Variants in ADGRL3 observed in about 807,000 individuals in gnomAD.
ADGRL3 encodes the protein calcium-independent alpha-latrotoxin receptor 3.
Under a neutral mutation model 153.5 loss-of-function variants are expected in ADGRL3, and 62 were observed. The ratio of observed to expected loss-of-function variants is 0.40; its 90% CI spans 0.33 to 0.50. The LOEUF (loss-of-function observed/expected upper bound fraction) is 0.50, where lower values mean the gene tolerates loss of function less well. ADGRL3 is among the 20% of genes least tolerant of loss of function. The pLI is 0.47. For synonymous variants in ADGRL3, 710 were observed against 672.5 expected (o/e 1.06, Z -0.86); for missense variants, 1,641 against 1,859.4 (o/e 0.88, Z 2.16).
intron 2 of ADGRL3, among the ~76,000 whole-genome samples, chr4:61,419,199 A>T (rs1006859803): frequency 6.6e-6 from 1 of 150,818 alleles, no homozygotes; most frequent in South Asian, 2.1e-4. Flanking sequence ...AATGAAACCA[A>T]TTTTACTATA....
intron 25 of ADGRL3, among the ~76,000 whole-genome samples, chr4:62,064,652 CTG>C (rs1741989801): frequency 6.6e-6 from 1 of 151,028 alleles, no homozygotes; most frequent in African/African-American, 2.4e-5. Flanking sequence ...CTACTATCCT[CTG>C]TGGAAATCTT....
chr4:61,981,970 GCAAT>G (rs1469768983), intron 18 of ADGRL3, among the ~76,000 whole-genome samples: 6 of 152,016 alleles, frequency 3.9e-5, no homozygotes, highest in African/African-American at 1.2e-4. Flanking sequence ...CTATGAATAA[GCAAT>G]CAAAGTACAC....
intron 21 of ADGRL3, among the ~76,000 whole-genome samples, chr4:62,012,286 C>A (rs1012346389): frequency 1.3e-5 from 2 of 152,168 alleles, no homozygotes; most frequent in African/African-American, 4.8e-5. Flanking sequence ...GCCCTCATAT[C>A]AACTGTAATC....
chr4:61,664,529 T>A (rs920178760), intron 5 of ADGRL3, among the ~76,000 whole-genome samples: 9 of 152,182 alleles, frequency 5.9e-5, no homozygotes, highest in Non-Finnish European at 8.8e-5. Flanking sequence ...TACTTTTTTT[T>A]AATTTTTTCA....
In ADGRL3 at chr4:61,346,405, A is replaced by G. The variant is rs148277744; in HGVS notation, c.-239-36719A>G. 2.5e-3 allele frequency among the ~76,000 whole-genome samples: 382 copies of G among 151,834 alleles called. 2 individuals carry two copies. The highest frequency in any genetic ancestry group is 8.6e-3 in the African/African-American group (358 of 41,396). On this transcript the variant is annotated intron_variant, in intron 1 of 26. Transcript: ENST00000683033. Reference sequence around the variant, plus strand: ...AATTAAAGTCGTTTTAACATTGGGCATCACTTTAGAAGTTTGAGATTTCAG... The same window carrying G: ...AATTAAAGTCGTTTTAACATTGGGCGTCACTTTAGAAGTTTGAGATTTCAG...
chr4:61,870,272 G>A (rs2098436148), intron 9 of ADGRL3, among the ~76,000 whole-genome samples: 2 of 151,962 alleles, frequency 1.3e-5, no homozygotes, highest in South Asian at 2.1e-4. Flanking sequence ...CCAGTGAATG[G>A]GGTTGGACCT....
intron 25 of ADGRL3, among the ~76,000 whole-genome samples, chr4:62,044,976 T>G (rs1186236150): frequency 1.3e-5 from 2 of 152,084 alleles, no homozygotes; most frequent in African/African-American, 4.8e-5. Flanking sequence ...GCAACCTGTG[T>G]ACTTGGAAAA....
At chr4:61,889,090 A>G (rs1299401201) in intron 9 of ADGRL3, among the ~76,000 whole-genome samples, 1 of 152,128 alleles carries the variant, frequency 6.6e-6, no homozygotes, top group East Asian at 1.9e-4. Context: ...CCTAGTCCTG[A>G]TGTTCACCTA....
intron 1 of ADGRL3, among the ~76,000 whole-genome samples, chr4:61,336,104 T>C (rs1385511797): frequency 1.3e-5 from 2 of 152,182 alleles, no homozygotes; most frequent in African/African-American, 4.8e-5. Context: ...TACATGTACT[T>C]ATTTATTGTG....
At chr4:61,341,137 T>C (rs1389444770) in intron 1 of ADGRL3, among the ~76,000 whole-genome samples, 1 of 152,008 alleles carries the variant, frequency 6.6e-6, no homozygotes, top group Non-Finnish European at 1.5e-5. Flanking sequence ...ATTTTTCTTC[T>C]TTTGCTCAGA....
At position 62,002,312 on chromosome 4, in the gene ADGRL3, C is replaced by T. The variant is rs138739816; in HGVS notation, c.3395+4047C>T. ...TTTTATGCATTTTGGCCCTCTGGCC[C>T]TTCTAGATATGCTCTCTTTTGCCTC... On this transcript the variant is annotated intron_variant, in intron 21 of 26. Coordinates refer to ENST00000683033, the MANE Select transcript of ADGRL3 (RefSeq NM_001387552.1). 2.3e-3 allele frequency among the ~76,000 whole-genome samples: 342 copies of T among 149,510 alleles called. 5 individuals carry two copies. The highest frequency in any genetic ancestry group is 3.6e-3 in the Non-Finnish European group (244 of 67,564).
chr4:61,935,905 T>A lies in ADGRL3; in HGVS notation c.2297-18T>A. ...GTATGTTTCTCAATGAGCACTGATA[T>A]CTCTTTGATATTAACAGAATTGGAA... On this transcript the variant is annotated intron_variant, in intron 14 of 26. Coordinates refer to ENST00000683033, the MANE Select transcript of ADGRL3 (RefSeq NM_001387552.1). The A allele has an allele frequency of 6.3e-7, 1 of 1,580,076 alleles. No homozygotes were observed. The highest frequency in any genetic ancestry group is 8.6e-7 in the Non-Finnish European group (1 of 1,161,828).
rs188887084 is a variant in ADGRL3, at chr4:61,787,355, A to G, written c.1400-26454A>G. On this transcript the variant is annotated intron_variant, in intron 8 of 26. Transcript: ENST00000683033. ...TTTAGTAAATATTAAAAGTATAGTC[A>G]TACTTTTTTTTTAAAAAAAAAGCAT... is the stretch of plus-strand genomic sequence containing the variant. Among the ~76,000 whole-genome samples, 74 of 152,142 alleles carry G rather than the reference A, an allele frequency of 4.9e-4. 2 individuals are homozygous for G. Among genetic ancestry groups the G allele is most frequent in the Admixed American group, 2.0e-3 (30 of 15,276 alleles).
At chr4:61,751,437 T>C (rs1317078465) in intron 8 of ADGRL3, among the ~76,000 whole-genome samples, 2 of 152,164 alleles carry the variant, frequency 1.3e-5, no homozygotes, top group Non-Finnish European at 2.9e-5. Flanking sequence ...CTCAGAGATA[T>C]AAAGTCTCCT....
chr4:61,958,379 T>TC (rs2098975574), intron 17 of ADGRL3, among the ~76,000 whole-genome samples: 1 of 64,846 alleles, frequency 1.5e-5, no homozygotes, highest in African/African-American at 4.8e-5. Context: ...TTGTAAAGGT[T>TC]TCTTTCTTTC....
chr4:61,298,473 T>C (rs1211181105), intron 1 of ADGRL3, among the ~76,000 whole-genome samples: 1 of 152,224 alleles, frequency 6.6e-6, no homozygotes, highest in African/African-American at 2.4e-5. Context: ...CTTTTGTTGC[T>C]GAGAACAAAT....
At chr4:61,511,012 T>C (rs1465612138) in intron 3 of ADGRL3, among the ~76,000 whole-genome samples, 1 of 152,184 alleles carries the variant, frequency 6.6e-6, no homozygotes, top group Non-Finnish European at 1.5e-5. Flanking sequence ...AGATTTTTTA[T>C]TTTCTTGATG....
chr4:61,907,571 GTATATATATGATATATACATGA>G (rs2098701988), intron 11 of ADGRL3, among the ~76,000 whole-genome samples: 1 of 150,092 alleles, frequency 6.7e-6, no homozygotes, highest in Admixed American at 6.7e-5. Flanking sequence ...ACTTGTATAT[GTATATATATGATATATACATGA>G]TATATATATG....
At chr4:61,578,799 C>T (rs910853012) in intron 4 of ADGRL3, among the ~76,000 whole-genome samples, 2 of 152,100 alleles carry the variant, frequency 1.3e-5, no homozygotes, top group Non-Finnish European at 1.5e-5. Flanking sequence ...TTTGATTTCT[C>T]TGAAATTCTT....
Sources: gnomAD v4.1 joint callset for allele counts (sites outside exome capture counted in the v4.1 genomes callset) on GRCh38, gnomAD v4.1.1 for gene constraint, MANE v1.5 for transcripts, NCBI Gene and HGNC (gene_info 2026-07-23, HGNC 2026-07-21) for gene names.